The following CCDC33 variants were observed in gnomAD, a reference collection of about 807,000 sequenced individuals.
CCDC33 encodes the protein coiled-coil domain-containing protein 33.
A neutral mutation model predicts 91.9 loss-of-function variants in CCDC33; 94 were observed. The observed-to-expected ratio is 1.02, with a 90% CI of 0.87 to 1.21. The LOEUF (loss-of-function observed/expected upper bound fraction) is 1.21. CCDC33 is among the 50% of genes most tolerant of loss of function. CCDC33 has a pLI of 0.00. For synonymous variants in CCDC33, 396 were observed against 374.5 expected (o/e 1.06, Z -0.66); for missense variants, 940 against 935.5 (o/e 1.00, Z -0.06).
intron 3 of CCDC33, 71 bp from the exon 4 acceptor site, chr15:74,266,607 C>A: frequency 9.3e-7 from 1 of 1,076,992 alleles, no homozygotes; most frequent in Non-Finnish European, 1.4e-6. Context: ...TCACCTCTCA[C>A]TGTCTCTCCT....
At chr15:74,253,352 A>G (rs1291314144) in intron 2 of CCDC33, among the ~76,000 whole-genome samples, 3 of 152,202 alleles carry the variant, frequency 2.0e-5, no homozygotes, top group African/African-American at 7.2e-5. Context: ...TCCCAGGGTC[A>G]CATGCCACAG....
chr15:74,237,820 C>T (rs988021511), intron 1 of CCDC33, among the ~76,000 whole-genome samples: 2 of 152,214 alleles, frequency 1.3e-5, no homozygotes, highest in Non-Finnish European at 2.9e-5. Flanking sequence ...CTTTGAGAAG[C>T]GCTTTTGATA....
At chr15:74,257,820 T>C (rs12438052) in intron 2 of CCDC33, among the ~76,000 whole-genome samples, 3,827 of 152,178 alleles carry the variant, frequency 0.025, 122 homozygotes, top group South Asian at 0.12. Context: ...ACTCCACACC[T>C]CCTGTTGCAT....
upstream of CCDC33, among the ~76,000 whole-genome samples, chr15:74,235,054 C>T (rs568563588): frequency 2.6e-5 from 4 of 152,316 alleles, no homozygotes; most frequent in Middle Eastern, 3.4e-3. Context: ...CCACTGAGAC[C>T]TTTCCACACA....
intron 2 of CCDC33, among the ~76,000 whole-genome samples, chr15:74,262,056 C>T (rs866205803): frequency 0.026 from 67 of 2,580 alleles, no homozygotes; most frequent in South Asian, 0.17. Flanking sequence ...CAGAGGATTC[C>T]TCCCACCGAA....
intron 1 of CCDC33, among the ~76,000 whole-genome samples, chr15:74,239,841 C>T (rs1876175649): frequency 6.6e-6 from 1 of 152,206 alleles, no homozygotes; most frequent in Admixed American, 6.5e-5. Context: ...GGGGGGGTAC[C>T]CCATCACCCC....
At chr15:74,242,961 C>T (rs1339709461) in intron 1 of CCDC33, among the ~76,000 whole-genome samples, 1 of 152,166 alleles carries the variant, frequency 6.6e-6, no homozygotes, top group East Asian at 1.9e-4. Flanking sequence ...GCACCTTCTC[C>T]CAACCCTTTA....
At chr15:74,323,918 C>T (rs994575052) in intron 11 of CCDC33, among the ~76,000 whole-genome samples, 30 of 151,906 alleles carry the variant, frequency 2.0e-4, no homozygotes, top group Admixed American at 9.8e-4. Context: ...GGTGAAACCC[C>T]GTCTCTACTA....
rs181897682 is a variant in CCDC33 at position 74,289,613 on chromosome 15, G to A, written c.1096-6141G>A. Reference sequence around the variant, plus strand: ...CCTGTAGTCCTAGCTACTTGGGGGCGTTGAGGCAGGAGGATTGCTTGAACC... The same window carrying A: ...CCTGTAGTCCTAGCTACTTGGGGGCATTGAGGCAGGAGGATTGCTTGAACC... On this transcript the variant is annotated intron_variant, in intron 10 of 18. Coordinates refer to ENST00000398814, the MANE Select transcript of CCDC33 (RefSeq NM_025055.5). Among the ~76,000 whole-genome samples, 274 of 152,300 alleles carry A rather than the reference G, an allele frequency of 1.8e-3. 1 individual carries two copies. The highest frequency in any genetic ancestry group is 5.4e-3 in the African/African-American group (223 of 41,570).
At chr15:74,333,763 G>T (rs1291116884) in intron 16 of CCDC33, 118 bp from the exon 17 acceptor site, 6 of 734,578 alleles carry the variant, frequency 8.2e-6, no homozygotes, top group Non-Finnish European at 1.3e-5. Context: ...CTCTGCCTCG[G>T]GAGCTCAGTC....
At chr15:74,251,381 G>C (rs1311457119) in intron 2 of CCDC33, among the ~76,000 whole-genome samples, 1 of 152,258 alleles carries the variant, frequency 6.6e-6, no homozygotes, top group Non-Finnish European at 1.5e-5. Context: ...GCAGGGACCA[G>C]GAAGACAGTG....
intron 10 of CCDC33, among the ~76,000 whole-genome samples, chr15:74,284,589 A>G (rs893298503): frequency 6.6e-6 from 1 of 151,460 alleles, no homozygotes; most frequent in Admixed American, 6.6e-5. Context: ...GAAGAAGAAG[A>G]AAAAAAAACA....
intron 3 of CCDC33, 63 bp from the exon 4 acceptor site, chr15:74,266,615 C>T: frequency 5.1e-6 from 6 of 1,171,576 alleles, no homozygotes; most frequent in Non-Finnish European, 7.7e-6. Flanking sequence ...CACTGTCTCT[C>T]CTTACTGGGA....
At chr15:74,228,178 AC>A (rs1296486437) in intron 2 of CCDC33, among the ~76,000 whole-genome samples, 3 of 152,186 alleles carry the variant, frequency 2.0e-5, no homozygotes, top group Non-Finnish European at 4.4e-5. Context: ...AGCTGGACCC[AC>A]CTTGTGGAGG....
chr15:74,269,648 T>G (rs897183573), intron 5 of CCDC33, among the ~76,000 whole-genome samples: 1 of 152,314 alleles, frequency 6.6e-6, no homozygotes, highest in African/African-American at 2.4e-5. Context: ...GGCAGAACTT[T>G]AGGGCTGCTG....
At chr15:74,335,420 A>AG in intron 18 of CCDC33, 3 of 560,870 alleles carry the variant, frequency 5.3e-6, no homozygotes, top group Non-Finnish European at 9.5e-6. Context: ...GGCTGCGCTC[A>AG]TGGGCAGAGT....
At chr15:74,235,659 A>C (rs1408925061), upstream of CCDC33, among the ~76,000 whole-genome samples, 1 of 152,038 alleles carries the variant, frequency 6.6e-6, no homozygotes, top group Admixed American at 6.5e-5. Context: ...ACCTCACCAA[A>C]AGCACTTAGG....
At chr15:74,229,717 C>G (rs1306433323) in intron 2 of CCDC33, among the ~76,000 whole-genome samples, 1 of 152,200 alleles carries the variant, frequency 6.6e-6, no homozygotes, top group African/African-American at 2.4e-5. Flanking sequence ...GCATCACTGT[C>G]CCAGGCTGAA....
intron 1 of CCDC33, among the ~76,000 whole-genome samples, chr15:74,239,633 T>G (rs899526247): frequency 6.6e-6 from 1 of 152,150 alleles, no homozygotes; most frequent in Non-Finnish European, 1.5e-5. Context: ...CTTGGGCAGG[T>G]AAACTGGCCA....
Sources: allele counts gnomAD v4.1 joint callset (sites outside exome capture counted in the v4.1 genomes callset), GRCh38; gene constraint gnomAD v4.1.1; transcripts MANE v1.5; gene names NCBI Gene and HGNC (gene_info 2026-07-23, HGNC 2026-07-21).